GLMN: variants seen among roughly 807,000 people sequenced by gnomAD.
GLMN encodes glomulin, FKBP associated protein, also known as glomulin.
A neutral mutation model predicts 87.8 loss-of-function variants in GLMN; 75 were observed. The ratio of observed to expected loss-of-function variants is 0.85; its 90% CI spans 0.71 to 1.04. GLMN has a LOEUF of 1.04. Ranked by LOEUF, GLMN falls within the 50% of genes least tolerant of loss-of-function variation. The pLI is 0.00. For missense variants in GLMN, 588 were observed against 658.8 expected (o/e 0.89, Z 1.18); for synonymous variants, 206 against 221.6 (o/e 0.93, Z 0.63).
At chr1:92,326,647 G>A in the GLMN span, among the ~76,000 whole-genome samples, 1 of 152,186 alleles carries the variant, frequency 6.6e-6, no homozygotes, top group African/African-American at 2.4e-5. Context: ...TGTTGTGGGG[G>A]ATGGGAGTGT....
At chr1:92,353,679 C>G in the GLMN span, among the ~76,000 whole-genome samples, 1 of 152,226 alleles carries the variant, frequency 6.6e-6, no homozygotes, top group African/African-American at 2.4e-5. Context: ...TATTTACTAT[C>G]CTATCACCTT....
the GLMN span, among the ~76,000 whole-genome samples, chr1:92,362,275 A>G: frequency 6.6e-6 from 1 of 152,318 alleles, no homozygotes; most frequent in South Asian, 2.1e-4. Context: ...GCTTTTAAAT[A>G]TTCTTCCTGC....
the GLMN span, among the ~76,000 whole-genome samples, chr1:92,305,572 T>C: frequency 6.6e-6 from 1 of 150,558 alleles, no homozygotes. Flanking sequence ...CTTTTGTTCA[T>C]CAGAAGTTTC....
the GLMN span, among the ~76,000 whole-genome samples, chr1:92,338,412 A>C: frequency 0.048 from 7,364 of 152,296 alleles, 614 homozygotes; most frequent in African/African-American, 0.17. Context: ...AGTAATGACG[A>C]GAGACATTTT....
chr1:92,256,377 G>A (rs578141164), intron 16 of GLMN, among the ~76,000 whole-genome samples: 22 of 152,230 alleles, frequency 1.4e-4, no homozygotes, highest in African/African-American at 4.8e-4. Context: ...AATAGAAAAA[G>A]AGGGACTCCT....
Position 92,289,048 on chromosome 1 carries a change from T to A in GLMN, c.498A>T (p.Ile166=). The A allele has an allele frequency of 6.2e-7, 1 of 1,610,632 alleles. No individual in the cohort carries two copies. The highest frequency in any genetic ancestry group is 8.5e-7 in the Non-Finnish European group (1 of 1,176,846). ...LLPVPYSKEQ[I]QMDDYGLCQC... is the part of the protein sequence containing the mutation. ...GACAAAGGCCATAGTCATCCATTTG[T>A]ATTTGTTCTTTTGAGTATGGAACAG... The change falls in exon 6 of 19, where the codon ATA becomes ATT. Residue 166 remains isoleucine, a synonymous_variant. Transcript: ENST00000370360.
the GLMN span, among the ~76,000 whole-genome samples, chr1:92,314,874 GTC>G: frequency 6.6e-6 from 1 of 151,482 alleles, no homozygotes; most frequent in Non-Finnish European, 1.5e-5. Context: ...GCAAAACCCC[GTC>G]TCTACTAAAA....
At chr1:92,366,549 A>G in the GLMN span, among the ~76,000 whole-genome samples, 1 of 152,174 alleles carries the variant, frequency 6.6e-6, no homozygotes, top group Non-Finnish European at 1.5e-5. Context: ...GGAGGAAGCC[A>G]GGGGCCACAT....
chr1:92,252,350 C>T (rs112869547), intron 16 of GLMN, among the ~76,000 whole-genome samples: 33 of 152,080 alleles, frequency 2.2e-4, no homozygotes, highest in South Asian at 6.2e-4. Context: ...GCCGTGATTG[C>T]GCCACTGCAC....
At chr1:92,305,019 C>G in the GLMN span, among the ~76,000 whole-genome samples, 1 of 152,028 alleles carries the variant, frequency 6.6e-6, no homozygotes, top group African/African-American at 2.4e-5. Flanking sequence ...CCTGTAGTCC[C>G]AGCTACTCAG....
the GLMN span, among the ~76,000 whole-genome samples, chr1:92,331,099 T>C: frequency 6.6e-6 from 1 of 152,214 alleles, no homozygotes; most frequent in African/African-American, 2.4e-5. Context: ...ATTTCTACTT[T>C]TATTTCTGCA....
the GLMN span, among the ~76,000 whole-genome samples, chr1:92,357,094 T>TACACACACACAC: frequency 3.5e-5 from 5 of 144,756 alleles, no homozygotes; most frequent in African/African-American, 1.0e-4. Flanking sequence ...AAGGATTACA[T>TACACACACACAC]ACACACACAC....
At chr1:92,316,473 G>A in the GLMN span, among the ~76,000 whole-genome samples, 1 of 152,066 alleles carries the variant, frequency 6.6e-6, no homozygotes, top group African/African-American at 2.4e-5. Context: ...ATATAAATAT[G>A]TACATATATC....
chr1:92,283,703 T>C (rs889879117), intron 7 of GLMN, among the ~76,000 whole-genome samples: 4 of 152,202 alleles, frequency 2.6e-5, no homozygotes, highest in South Asian at 2.1e-4. Flanking sequence ...GATGACATGA[T>C]TGTATATTTA....
At chr1:92,323,805 A>G in the GLMN span, 7 of 1,614,122 alleles carry the variant, frequency 4.3e-6, no homozygotes, top group Admixed American at 1.7e-5. Flanking sequence ...TACAGAAAGT[A>G]AATACTCAGA....
Position 92,287,436 on chromosome 1 carries a change from GCTCAAAGGATCCTCCTGCCACAGCCTCC to G in GLMN, c.633-872_633-845del, listed in dbSNP as rs1198095210. 2.0e-5 allele frequency among the ~76,000 whole-genome samples: 3 copies of G among 152,098 alleles called. No individual in the cohort carries two copies. In the East Asian group the frequency reaches 5.8e-4, roughly 29 times the overall value. On this transcript the variant is annotated intron_variant, in intron 6 of 18. Transcript: ENST00000370360. Reference sequence around the variant, plus strand: ...GTGCACTGTAACCTCAAACTCCTGGGCTCAAAGGATCCTCCTGCCACAGCCTCCCAAGTAGCTGGGACTACAGGCACAC... The same window carrying G: ...GTGCACTGTAACCTCAAACTCCTGGGCAAGTAGCTGGGACTACAGGCACAC...
At chr1:92,346,967 C>G in the GLMN span, among the ~76,000 whole-genome samples, 1 of 152,170 alleles carries the variant, frequency 6.6e-6, no homozygotes, top group African/African-American at 2.4e-5. Flanking sequence ...GAATCAATCT[C>G]ATAGCCTCTC....
upstream of GLMN, chr1:92,300,126 C>A: frequency 1.9e-6 from 2 of 1,057,488 alleles, no homozygotes; most frequent in African/African-American, 1.6e-5. Context: ...TATGAGACCG[C>A]TGTCTGTATG....
the GLMN span, among the ~76,000 whole-genome samples, chr1:92,349,891 C>A: frequency 6.6e-6 from 1 of 152,196 alleles, no homozygotes; most frequent in Non-Finnish European, 1.5e-5. Flanking sequence ...CATGCCACTG[C>A]ACTCAAGCCT....
Sources: gnomAD v4.1 joint callset for allele counts (sites outside exome capture counted in the v4.1 genomes callset) on GRCh38, gnomAD v4.1.1 for gene constraint, MANE v1.5 for transcripts, NCBI Gene and HGNC (gene_info 2026-07-23, HGNC 2026-07-21) for gene names.